Variants in CDH2 observed in about 807,000 individuals in gnomAD.
The protein encoded by CDH2 is cadherin 2.
CDH2 carries 17 observed loss-of-function variants against 92.0 expected under a neutral mutation model. The observed-to-expected ratio is 0.18, with a 90% CI of 0.13 to 0.28. The LOEUF is 0.28. Ranked by LOEUF, CDH2 falls within the 10% of genes least tolerant of loss-of-function variation. CDH2 has a pLI of 1.00. For synonymous variants in CDH2, 419 were observed against 415.9 expected (o/e 1.01, Z -0.09); for missense variants, 862 against 1,133.1 (o/e 0.76, Z 3.44).
chr18:27,992,361 A>C (rs1347829242), intron 9 of CDH2, among the ~76,000 whole-genome samples: 1 of 152,188 alleles, frequency 6.6e-6, no homozygotes, highest in Non-Finnish European at 1.5e-5. Context: ...ATTCAAAAAC[A>C]ATCATCAAAA....
chr18:28,134,020 G>C (rs1182085249), intron 2 of CDH2, among the ~76,000 whole-genome samples: 1 of 151,424 alleles, frequency 6.6e-6, no homozygotes, highest in Non-Finnish European at 1.5e-5. Flanking sequence ...AATTAGCGAG[G>C]CATGGTGAGT....
chr18:27,952,479 A>G, intron 15 of CDH2, 120 bp from the exon 16 acceptor site: 1 of 744,572 alleles, frequency 1.3e-6, no homozygotes, highest in Non-Finnish European at 2.2e-6. Context: ...ATTTCCATTT[A>G]CATACCATAT....
In CDH2 at chr18:28,047,868, C is replaced by CAA. The variant is rs149752979; in HGVS notation, c.173-33961_173-33960dup. Among the ~76,000 whole-genome samples, 250 of 46,256 alleles carry CAA rather than the reference C, an allele frequency of 5.4e-3. 1 individual carries two copies. Among genetic ancestry groups the CAA allele is most frequent in the East Asian group, 0.011 (12 of 1,062 alleles). 30.3% of individuals were successfully genotyped at this position (46,256 alleles called of 152,430 possible). A position where few individuals can be genotyped will look rare whatever the true frequency, so the allele number is the denominator to read the frequency against. On this transcript the variant is annotated intron_variant, in intron 2 of 15. Coordinates refer to ENST00000269141, the MANE Select transcript of CDH2 (RefSeq NM_001792.5). ...TGAACAACAGAGGGAGACTCCATCTCAAAAAAAAAAAAAAAAAAAAAAAAG... is the reference window on the plus strand; with the variant it reads ...TGAACAACAGAGGGAGACTCCATCTCAAAAAAAAAAAAAAAAAAAAAAAAAAG...
At chr18:27,985,380 T>C in intron 12 of CDH2, 147 bp from the exon 13 acceptor site, 1 of 783,214 alleles carries the variant, frequency 1.3e-6, no homozygotes, top group South Asian at 1.9e-5. Context: ...TTTTTGGCCG[T>C]AAAGGCCTTT....
intron 2 of CDH2, among the ~76,000 whole-genome samples, chr18:28,119,520 T>G (rs2015551546): frequency 6.6e-6 from 1 of 152,170 alleles, no homozygotes; most frequent in Admixed American, 6.6e-5. Context: ...AGATGTTTTA[T>G]GCATAATTTA....
intron 1 of CDH2, among the ~76,000 whole-genome samples, chr18:28,154,041 GCCACACATCCAGC>G (rs2016168316): frequency 6.6e-6 from 1 of 152,144 alleles, no homozygotes; most frequent in African/African-American, 2.4e-5. Flanking sequence ...GCAAGTGGTG[GCCACACATCCAGC>G]CCTTATCTTT....
In CDH2 at chr18:27,993,591, C is replaced by T. The variant is rs2012492387; in HGVS notation, c.1067G>A (p.Gly356Asp). ...GTTTGAAAGGCCATATGTGGGATTG[C>T]CTTCCATGTCTGTAGCTTGAATTAT... ...TLIIQATDME[G>D]NPTYGLSNTA... Residue 356 changes from glycine (G) to aspartate (D), a missense_variant, in exon 8 of 16, where the codon GGC (glycine) becomes GAC (aspartate). Physicochemically the swap from Gly to Asp is moderately conservative, Grantham distance 94 (BLOSUM62 -1). Around this residue, in one of 5 missense-constraint regions of CDH2, gnomAD observed 564 missense variants for 722.2 expected, o/e 0.78. Transcript: ENST00000269141. 4 of 1,613,428 alleles carry T rather than the reference C, an allele frequency of 2.5e-6. No homozygotes were observed. Among genetic ancestry groups the T allele is most frequent in the Non-Finnish European group, 3.4e-6 (4 of 1,179,504 alleles).
chr18:28,026,133 G>A (rs1191672882), intron 2 of CDH2, among the ~76,000 whole-genome samples: 1 of 152,066 alleles, frequency 6.6e-6, no homozygotes, highest in East Asian at 1.9e-4. Context: ...ATGTAGCCCT[G>A]GTCTAGTCTT....
At chr18:27,938,211 C>G (rs1322346005) in intron 6 of CDH2, among the ~76,000 whole-genome samples, 1 of 152,010 alleles carries the variant, frequency 6.6e-6, no homozygotes, top group Admixed American at 6.6e-5. Flanking sequence ...CCCCGGAAGC[C>G]AAACAGATGC....
chr18:28,153,956 T>C (rs1293134694), intron 1 of CDH2, among the ~76,000 whole-genome samples: 3 of 152,172 alleles, frequency 2.0e-5, no homozygotes, highest in East Asian at 3.9e-4. Context: ...TCTTGGGTCC[T>C]AGCCCAAGAC....
intron 14 of CDH2, 43 bp from the exon 15 acceptor site, chr18:27,963,564 A>G: frequency 6.3e-7 from 1 of 1,585,042 alleles, no homozygotes; most frequent in African/African-American, 1.3e-5. Flanking sequence ...GATGGGCACA[A>G]AGATAGAAAA....
At chr18:28,171,386 A>G (rs771287338) in intron 1 of CDH2, among the ~76,000 whole-genome samples, 2 of 152,052 alleles carry the variant, frequency 1.3e-5, no homozygotes, top group Non-Finnish European at 2.9e-5. Context: ...TCATAAAACT[A>G]ATAAAAAAAA....
At chr18:28,135,695 G>A (rs2015850020) in intron 2 of CDH2, among the ~76,000 whole-genome samples, 1 of 152,168 alleles carries the variant, frequency 6.6e-6, no homozygotes, top group African/African-American at 2.4e-5. Flanking sequence ...TGACTGAACT[G>A]AAGGAATAAT....
Position 28,160,153 on chromosome 18 carries a change from GA to G in CDH2, c.61-12370del, listed in dbSNP as rs996847025. Reference sequence around the variant, plus strand: ...AGCTGTTTAAGAGGTAGCGCCTCGAGAAAAAAATAAAAAAAAAAACAGCAGG... The same window carrying G: ...AGCTGTTTAAGAGGTAGCGCCTCGAGAAAAAATAAAAAAAAAAACAGCAGG... On this transcript the variant is annotated intron_variant, in intron 1 of 15. Transcript: ENST00000269141. Among the ~76,000 whole-genome samples, 40 of 145,206 alleles carry G rather than the reference GA, an allele frequency of 2.8e-4. No homozygotes were observed. The East Asian group carries it at 7.6e-3, about 28-fold the overall frequency.
At chr18:27,998,883 G>A (rs1348208171) in intron 7 of CDH2, among the ~76,000 whole-genome samples, 1 of 152,198 alleles carries the variant, frequency 6.6e-6, no homozygotes, top group Non-Finnish European at 1.5e-5. Context: ...AGTGCTGGGT[G>A]CCCCTTGGAG....
At chr18:28,079,092 A>C (rs1164733802) in intron 2 of CDH2, among the ~76,000 whole-genome samples, 1 of 152,176 alleles carries the variant, frequency 6.6e-6, no homozygotes, top group African/African-American at 2.4e-5. Flanking sequence ...TTGCTCAATA[A>C]GATAGTAAAA....
chr18:28,165,670 C>A (rs2016367211), intron 1 of CDH2, among the ~76,000 whole-genome samples: 1 of 151,948 alleles, frequency 6.6e-6, no homozygotes, highest in Non-Finnish European at 1.5e-5. Flanking sequence ...AGTGTCAGAG[C>A]CAGGGAACCA....
At chr18:28,038,399 G>A (rs2013879091) in intron 2 of CDH2, among the ~76,000 whole-genome samples, 1 of 150,392 alleles carries the variant, frequency 6.6e-6, no homozygotes, top group South Asian at 2.1e-4. Context: ...CTCCAGCCTG[G>A]GTGACAGTGA....
intron 1 of CDH2, among the ~76,000 whole-genome samples, chr18:28,161,457 G>T (rs750503653): frequency 3.3e-5 from 5 of 151,938 alleles, no homozygotes; most frequent in Non-Finnish European, 7.4e-5. Flanking sequence ...GCACACACCT[G>T]TAGTCCCAGC....
Sources: gnomAD v4.1 joint callset for allele counts (sites outside exome capture counted in the v4.1 genomes callset) on GRCh38, gnomAD v4.1.1 for gene constraint, gnomAD v4.1.1 regional missense constraint, MANE v1.5 for transcripts, NCBI Gene and HGNC (gene_info 2026-07-23, HGNC 2026-07-21) for gene names.